The following SEMA3D variants were observed in gnomAD, a reference collection of about 807,000 sequenced individuals.
SEMA3D encodes the protein semaphorin 3D.
A neutral mutation model predicts 100.1 loss-of-function variants in SEMA3D; 84 were observed. That is an observed-to-expected ratio of 0.84 (90% CI 0.70 to 1.01). SEMA3D has a LOEUF of 1.01. Ranked by LOEUF, SEMA3D falls within the 50% of genes least tolerant of loss-of-function variation. The pLI, the probability that SEMA3D is intolerant of heterozygous loss-of-function variation, is 0.00. For synonymous variants in SEMA3D, 312 were observed against 320.7 expected (o/e 0.97, Z 0.29); for missense variants, 875 against 934.1 (o/e 0.94, Z 0.82).
intron 13 of SEMA3D, among the ~76,000 whole-genome samples, chr7:85,020,972 A>T (rs1790238700): frequency 1.3e-5 from 2 of 151,670 alleles, no homozygotes; most frequent in Admixed American, 1.3e-4. Flanking sequence ...TAAATACATC[A>T]TCTTACATTG....
intron 12 of SEMA3D, chr7:85,028,267 G>T: frequency 2.9e-6 from 2 of 700,112 alleles, no homozygotes; most frequent in South Asian, 1.5e-5. Context: ...CACAGTGCCA[G>T]CTTACTTGAA....
chr7:85,089,601 C>T (rs1018699407), intron 4 of SEMA3D, among the ~76,000 whole-genome samples: 1 of 152,088 alleles, frequency 6.6e-6, no homozygotes, highest in African/African-American at 2.4e-5. Flanking sequence ...ATTGCAAGGC[C>T]GGGTGCCATG....
At chr7:85,027,949 A>G in intron 12 of SEMA3D, 1 of 589,008 alleles carries the variant, frequency 1.7e-6, no homozygotes, top group Non-Finnish European at 3.3e-6. Context: ...ATGCCAAACT[A>G]TGTCACCTTT....
At chr7:85,135,956 C>T (rs1320232278) in intron 2 of SEMA3D, among the ~76,000 whole-genome samples, 1 of 151,968 alleles carries the variant, frequency 6.6e-6, no homozygotes, top group Non-Finnish European at 1.5e-5. Context: ...AGCATTTATC[C>T]TGTCTATACA....
intron 4 of SEMA3D, among the ~76,000 whole-genome samples, chr7:85,086,401 T>A (rs1440844075): frequency 6.6e-6 from 1 of 152,056 alleles, no homozygotes; most frequent in East Asian, 1.9e-4. Flanking sequence ...TTTCCCTTAA[T>A]TCAATCTAAA....
At chr7:85,027,828 G>T (rs543072741) in intron 12 of SEMA3D, 3 of 508,896 alleles carry the variant, frequency 5.9e-6, no homozygotes, top group Non-Finnish European at 1.2e-5. Flanking sequence ...ACAAACATCT[G>T]TGTCTAAGTG....
chr7:85,147,776 A>T (rs1415401796), intron 2 of SEMA3D, among the ~76,000 whole-genome samples: 1 of 152,122 alleles, frequency 6.6e-6, no homozygotes, highest in Non-Finnish European at 1.5e-5. Flanking sequence ...TCTTGTAGTT[A>T]TATATGAAAT....
At chr7:85,107,706 T>C (rs1254705807) in intron 3 of SEMA3D, among the ~76,000 whole-genome samples, 1 of 152,046 alleles carries the variant, frequency 6.6e-6, no homozygotes, top group Non-Finnish European at 1.5e-5. Flanking sequence ...TAGTTTTTCT[T>C]CCTTACTCTT....
intron 5 of SEMA3D, among the ~76,000 whole-genome samples, chr7:85,080,831 T>C (rs1022457802): frequency 1.3e-5 from 2 of 152,118 alleles, no homozygotes; most frequent in African/African-American, 2.4e-5. Flanking sequence ...TCAAGACAGA[T>C]AGGACCATAC....
intron 15 of SEMA3D, 76 bp downstream of exon 15, chr7:85,018,176 T>G: frequency 1.1e-6 from 1 of 892,674 alleles, no homozygotes; most frequent in South Asian, 1.4e-5. Context: ...TTTCAATGGA[T>G]TTTTTTTCAA....
intron 11 of SEMA3D, among the ~76,000 whole-genome samples, chr7:85,039,597 A>G (rs1430090768): frequency 3.3e-5 from 5 of 152,168 alleles, no homozygotes; most frequent in Middle Eastern, 3.2e-3. Flanking sequence ...GAAGGTCTCA[A>G]TGATAAGTAC....
chr7:85,004,697 C>A (rs1375259237), intron 18 of SEMA3D, among the ~76,000 whole-genome samples: 1 of 151,950 alleles, frequency 6.6e-6, no homozygotes, highest in African/African-American at 2.4e-5. Context: ...AAACTGTGAC[C>A]TTATGGGTAA....
chr7:85,181,349 CACACACACACACAT>C (rs1343241955), intron 1 of SEMA3D, among the ~76,000 whole-genome samples: 1 of 144,528 alleles, frequency 6.9e-6, no homozygotes, highest in African/African-American at 2.7e-5. Flanking sequence ...CACACACACA[CACACACACACACAT>C]GCACTGCTAG....
At chr7:85,249,648 C>A in the SEMA3D span, among the ~76,000 whole-genome samples, 1 of 152,136 alleles carries the variant, frequency 6.6e-6, no homozygotes, top group African/African-American at 2.4e-5. Flanking sequence ...TAAAATAAAT[C>A]TGTTTACTCA....
At chr7:85,227,362 G>A in the SEMA3D span, among the ~76,000 whole-genome samples, 1 of 152,034 alleles carries the variant, frequency 6.6e-6, no homozygotes, top group African/African-American at 2.4e-5. Flanking sequence ...GGATCATGAG[G>A]GCAGATTGCT....
chr7:85,209,997 G>C, the SEMA3D span, among the ~76,000 whole-genome samples: 1 of 152,042 alleles, frequency 6.6e-6, no homozygotes, highest in Admixed American at 6.6e-5. Flanking sequence ...ACAGAAAACA[G>C]TGGAACTCTA....
chr7:85,134,168 C>T (rs557510095), intron 2 of SEMA3D, among the ~76,000 whole-genome samples: 3 of 152,006 alleles, frequency 2.0e-5, no homozygotes, highest in African/African-American at 7.2e-5. Flanking sequence ...ATAAAAAGAA[C>T]ATACTTAATT....
chr7:85,025,240 T>C (rs777991809), intron 12 of SEMA3D, among the ~76,000 whole-genome samples: 9 of 152,014 alleles, frequency 5.9e-5, no homozygotes, highest in Non-Finnish European at 8.8e-5. Flanking sequence ...TCTGTGTCTC[T>C]ACCCGCTGTT....
intron 15 of SEMA3D, among the ~76,000 whole-genome samples, chr7:85,015,612 A>G (rs571120133): frequency 3.3e-5 from 5 of 151,964 alleles, no homozygotes; most frequent in African/African-American, 1.2e-4. Context: ...TATATAAGAG[A>G]CGACTGAAAA....
Sources: gnomAD v4.1 joint callset for allele counts (sites outside exome capture counted in the v4.1 genomes callset) on GRCh38, gnomAD v4.1.1 for gene constraint, MANE v1.5 for transcripts, NCBI Gene and HGNC (gene_info 2026-07-23, HGNC 2026-07-21) for gene names.